SMG1: variants seen among roughly 807,000 people sequenced by gnomAD.
SMG1 encodes the protein serine/threonine-protein kinase SMG1.
SMG1 carries 22 observed loss-of-function variants against 419.9 expected under a neutral mutation model. The observed-to-expected ratio is 0.05, with a 90% CI of 0.04 to 0.07. The LOEUF is 0.07. Ranked by LOEUF, SMG1 falls within the 10% of genes least tolerant of loss-of-function variation. The probability of loss-of-function intolerance (pLI) is 1.00; values close to 1 mark genes in which losing one functional copy is unlikely to be tolerated. For missense variants in SMG1, 3,185 were observed against 4,342.0 expected (o/e 0.73, Z 7.49); for synonymous variants, 1,538 against 1,553.5 (o/e 0.99, Z 0.23).
At chr16:18,860,572 A>T in intron 26 of SMG1, 95 bp downstream of exon 26, 1 of 641,420 alleles carries the variant, frequency 1.6e-6, no homozygotes, top group Non-Finnish European at 2.8e-6. Flanking sequence ...ACAAAAATGT[A>T]AAATAACTTC....
intron 31 of SMG1, among the ~76,000 whole-genome samples, chr16:18,853,123 G>A (rs1387316524): frequency 1.3e-5 from 2 of 152,120 alleles, no homozygotes; most frequent in South Asian, 2.1e-4. Context: ...TAAAAACAGG[G>A]GAATTATGCC....
At chr16:18,887,343 G>GTTTA (rs1249253380) in intron 6 of SMG1, among the ~76,000 whole-genome samples, 6 of 151,554 alleles carry the variant, frequency 4.0e-5, no homozygotes, top group African/African-American at 1.5e-4. Context: ...TAATCAAGGG[G>GTTTA]AAAAATGTTT....
In SMG1 at chr16:18,858,271, A is replaced by T. The variant is rs747058985; in HGVS notation, c.4133T>A (p.Phe1378Tyr). The part of the protein sequence containing the change: ...LSTEDCLIPL[F>Y]SEALRSCKQH... Reference sequence around the variant, plus strand: ...TTTACATGAACGTAAAGCTTCACTGAAGAGTGGAATAAGACAGTCCTGCCA... The same window carrying T: ...TTTACATGAACGTAAAGCTTCACTGTAGAGTGGAATAAGACAGTCCTGCCA... Residue 1378 changes from phenylalanine to tyrosine, a missense_variant, in exon 29 of 63, where the codon TTC becomes TAC. Physicochemically the swap from Phe to Tyr is conservative, Grantham distance 22. Around this residue, in one of 27 missense-constraint regions of SMG1, gnomAD observed 493 missense variants for 552.9 expected, o/e 0.89. Transcript: ENST00000446231. The T allele has an allele frequency of 6.2e-7, 1 of 1,603,384 alleles. No homozygotes were observed. The highest frequency in any genetic ancestry group is 1.1e-5 in the South Asian group (1 of 88,290).
At chr16:18,812,615 C>T (rs199520882) in intron 60 of SMG1, among the ~76,000 whole-genome samples, 1,391 of 73,062 alleles carry the variant, frequency 0.019, 27 homozygotes, top group African/African-American at 0.06. Flanking sequence ...TATATACATA[C>T]ACACATATAT....
chr16:18,891,886 C>T (rs1348227352), intron 4 of SMG1, among the ~76,000 whole-genome samples: 1 of 152,214 alleles, frequency 6.6e-6, no homozygotes, highest in African/African-American at 2.4e-5. Flanking sequence ...CACTGCAACC[C>T]TGAATTCCTG....
At position 18,896,162 on chromosome 16, in the gene SMG1, C is replaced by T. The variant is rs2037116253; in HGVS notation, c.302G>A (p.Arg101Gln). The change falls in exon 3 of 63, where the codon CGG becomes CAG. Residue 101 changes from arginine (R) to glutamine (Q), a missense_variant. Around this residue, in one of 27 missense-constraint regions of SMG1, gnomAD observed 42 missense variants for 100.1 expected, o/e 0.42. Coordinates refer to ENST00000446231, the MANE Select transcript of SMG1 (RefSeq NM_015092.5). ...NGGSGENTYG[R>Q]KSLGQELRVN... ...CCTCAGCTCTTGCCCCAACGACTTC[C>T]GACCATAAGTATTTTCCCCAGATCC... 2.6e-6 allele frequency: 4 copies of T among 1,561,854 alleles called. No individual in the cohort carries two copies. Among genetic ancestry groups the T allele is most frequent in the Non-Finnish European group, 3.5e-6 (4 of 1,134,476 alleles).
intron 26 of SMG1, among the ~76,000 whole-genome samples, 186 bp from the exon 27 acceptor site, chr16:18,859,889 G>C (rs1330348259): frequency 6.6e-6 from 1 of 152,100 alleles, no homozygotes; most frequent in African/African-American, 2.4e-5. Flanking sequence ...CTGTACCTCA[G>C]ACCCCTAAAA....
At chr16:18,876,699 A>T (rs34018337) in intron 12 of SMG1, among the ~76,000 whole-genome samples, 3,339 of 151,106 alleles carry the variant, frequency 0.022, 60 homozygotes, top group Non-Finnish European at 0.034. Flanking sequence ...ACATCAGAAG[A>T]CATATGCAAA....
Position 18,847,464 on chromosome 16 carries a change from G to A in SMG1, c.5985C>T (p.Asn1995=), listed in dbSNP as rs919393794. Residue 1995 remains asparagine (N), a synonymous_variant, in exon 38 of 63, where the codon AAC becomes AAT. Transcript: ENST00000446231. ...GTATGGAAACATACTTGCGTAAGGT[G>A]TTGTTGTTCTGGACTCTCTTCACCT... is the stretch of plus-strand genomic sequence containing the variant. The part of the protein sequence containing the change: ...EDEVKRVQNN[N]TLRKEEKIAI... 31 of 1,614,048 alleles carry A rather than the reference G, an allele frequency of 1.9e-5. 1 individual carries two copies. Among genetic ancestry groups the A allele is most frequent in the East Asian group, 6.7e-5 (3 of 44,894 alleles).
chr16:18,895,018 C>A (rs1174557968), intron 3 of SMG1, among the ~76,000 whole-genome samples: 1 of 151,938 alleles, frequency 6.6e-6, no homozygotes, highest in Non-Finnish European at 1.5e-5. Context: ...AGGGTTTCAC[C>A]GTGTTAGCCA....
At position 18,869,822 on chromosome 16, in the gene SMG1, T is replaced by C. The variant is rs187082135; in HGVS notation, c.2633+32A>G. ...GTCAAAAGAATCTTAAAATTATGTT[T>C]CCCAGATAAAAGAGTCAAAGAAATG... is the stretch of plus-strand genomic sequence containing the variant. On this transcript the variant is annotated intron_variant, in intron 19 of 62. Transcript: ENST00000446231. 5.3e-5 allele frequency: 83 copies of C among 1,567,908 alleles called. 1 individual carries two copies. In the Admixed American group the frequency reaches 1.4e-3, roughly 26 times the overall value.
At chr16:18,848,765 C>T (rs1450515221) in intron 36 of SMG1, among the ~76,000 whole-genome samples, 1 of 151,874 alleles carries the variant, frequency 6.6e-6, no homozygotes, top group African/African-American at 2.4e-5. Context: ...TCAATAAATG[C>T]TAATTATTAC....
chr16:18,864,403 G>A (rs1596546018), intron 23 of SMG1, among the ~76,000 whole-genome samples: 2 of 151,872 alleles, frequency 1.3e-5, no homozygotes, highest in East Asian at 3.9e-4. Flanking sequence ...TCACCGTGTT[G>A]GCCAGGCTGG....
At chr16:18,892,581 A>C (rs1004798604) in intron 3 of SMG1, among the ~76,000 whole-genome samples, 3 of 152,078 alleles carry the variant, frequency 2.0e-5, no homozygotes, top group Non-Finnish European at 4.4e-5. Context: ...AAAATTACAT[A>C]AACTAGCCAG....
In SMG1 at chr16:18,852,183, G is replaced by A. The variant is rs200353425; in HGVS notation, c.4936C>T (p.Leu1646=). The A allele has an allele frequency of 3.1e-6, 5 of 1,613,576 alleles. No individual in the cohort carries two copies. The highest frequency in any genetic ancestry group is 1.7e-5 in the Admixed American group (1 of 59,916). The change falls in exon 33 of 63, where the codon CTG becomes TTG. Residue 1646 remains leucine (L), a synonymous_variant. Transcript: ENST00000446231. ...NASQGEGVRL[L]PREKSEVQNL... is the part of the protein sequence containing the mutation. The stretch of plus-strand genomic sequence containing the variant: ...TGAACTTCAGATTTTTCTCTAGGCA[G>A]CAGACGAACACCTTCTCCCTGACTA...
In SMG1 at chr16:18,876,172, G is replaced by A. The variant is rs1316938368; in HGVS notation, c.1842C>T (p.Asp614=). Residue 614 remains aspartate, a synonymous_variant, in exon 13 of 63, where the codon GAC becomes GAT. Transcript: ENST00000446231. The part of the protein sequence containing the change: ...VDNAKFVVIF[D]LSALTTIGNA... ...TTCCAATTGTAGTCAGGGCACTGAG[G>A]TCAAATATAACTACAAATTTTGCAT... is the stretch of plus-strand genomic sequence containing the variant. 5 of 1,611,648 alleles carry A rather than the reference G, an allele frequency of 3.1e-6. No homozygotes were observed. In the African/African-American group the frequency reaches 6.7e-5, roughly 22 times the overall value.
rs559607162 is a variant in SMG1 at position 18,895,921 on chromosome 16, A to T, written c.412+131T>A. 1.2e-5 allele frequency: 11 copies of T among 952,754 alleles called. No individual in the cohort carries two copies. In the South Asian group the frequency reaches 1.4e-4, roughly 12 times the overall value. 59.0% of individuals were successfully genotyped at this position (952,754 alleles called of 1,614,324 possible). A position where few individuals can be genotyped will look rare whatever the true frequency, so the allele number is the denominator to read the frequency against. On this transcript the variant is annotated intron_variant, in intron 3 of 62. Coordinates refer to ENST00000446231, the MANE Select transcript of SMG1 (RefSeq NM_015092.5). Reference sequence around the variant, plus strand: ...CCTTTCTAGTGGGAAATGAATGTAAACAATTTTTACCTGCACAGTAGGCTA... The same window carrying T: ...CCTTTCTAGTGGGAAATGAATGTAATCAATTTTTACCTGCACAGTAGGCTA...
chr16:18,819,716 G>A, intron 55 of SMG1, 62 bp from the exon 56 acceptor site: 3 of 1,419,066 alleles, frequency 2.1e-6, no homozygotes, highest in Admixed American at 2.9e-5. Flanking sequence ...TATTTGTGGA[G>A]TATTTTATAT....
At chr16:18,845,093 T>A (rs1049873986) in intron 39 of SMG1, among the ~76,000 whole-genome samples, 3 of 152,220 alleles carry the variant, frequency 2.0e-5, no homozygotes, top group Non-Finnish European at 4.4e-5. Flanking sequence ...AAATTTCTTA[T>A]CTTTAATGAG....
Sources: allele counts gnomAD v4.1 joint callset (sites outside exome capture counted in the v4.1 genomes callset), GRCh38; gene constraint gnomAD v4.1.1; regional missense constraint gnomAD v4.1.1; transcripts MANE v1.5; gene names NCBI Gene and HGNC (gene_info 2026-07-23, HGNC 2026-07-21).